The following DNAH11 variants were observed in gnomAD, a reference collection of about 807,000 sequenced individuals.
DNAH11 encodes the protein dynein axonemal heavy chain 11.
In DNAH11, 442 loss-of-function variants were observed where a neutral mutation model predicts 526.0. That is an observed-to-expected ratio of 0.84 (90% confidence interval 0.78 to 0.91). The LOEUF (loss-of-function observed/expected upper bound fraction) is 0.91. Ranked by LOEUF, DNAH11 falls within the 40% of genes least tolerant of loss-of-function variation. The pLI, the probability that DNAH11 is intolerant of heterozygous loss-of-function variation, is 0.00. For synonymous variants in DNAH11, 2,461 were observed against 1,935.9 expected (o/e 1.27, Z -7.12); for missense variants, 6,989 against 5,448.7 (o/e 1.28, Z -8.90).
chr7:21,707,735 A>G lies in DNAH11; in HGVS notation c.6583A>G (p.Lys2195Glu), dbSNP rs371974305. The change falls in exon 40 of 82, where the codon AAA becomes GAA. Residue 2195 changes from lysine to glutamate, a missense_variant. Lys to Glu is a moderately conservative substitution (Grantham distance 56). Coordinates refer to ENST00000409508, the MANE Select transcript of DNAH11 (RefSeq NM_001277115.2). Reference protein sequence around the residue: ...RTLNRTYVNMKQKPVWNDLNP... With the variant: ...RTLNRTYVNMEQKPVWNDLNP... Reference sequence around the variant, plus strand: ...ACTGAACCGAACATATGTTAACATGAAACAGAAGCCGGTTTGGAATGACTT... The same window carrying G: ...ACTGAACCGAACATATGTTAACATGGAACAGAAGCCGGTTTGGAATGACTT... 111 of 1,613,396 alleles carry G rather than the reference A, an allele frequency of 6.9e-5. No individual in the cohort carries two copies. Among genetic ancestry groups the G allele is most frequent in the Non-Finnish European group, 8.8e-5 (104 of 1,179,650 alleles).
At chr7:21,871,206 T>C in intron 73 of DNAH11, among the ~76,000 whole-genome samples, 1 of 152,216 alleles carries the variant, frequency 6.6e-6, no homozygotes, top group East Asian at 1.9e-4. Flanking sequence ...CCGGCAACTA[T>C]CTTTATCTCA....
chr7:21,828,704 GGT>G (rs1562570311), intron 65 of DNAH11, among the ~76,000 whole-genome samples: 2 of 150,578 alleles, frequency 1.3e-5, no homozygotes, highest in African/African-American at 4.9e-5. Context: ...AGCGTGTGTA[GGT>G]GTGTATCAAA....
At chr7:21,783,998 T>G (rs1788068213) in intron 57 of DNAH11, among the ~76,000 whole-genome samples, 1 of 152,242 alleles carries the variant, frequency 6.6e-6, no homozygotes, top group East Asian at 1.9e-4. Context: ...ACATGGCTTC[T>G]AAGCAAAAGT....
chr7:21,805,634 T>A (rs1296810918), intron 62 of DNAH11, among the ~76,000 whole-genome samples: 1 of 152,178 alleles, frequency 6.6e-6, no homozygotes, highest in East Asian at 1.9e-4. Context: ...TTAGACTGTT[T>A]TCCGGGACTA....
intron 57 of DNAH11, among the ~76,000 whole-genome samples, chr7:21,783,094 A>G (rs959261493): frequency 2.0e-5 from 3 of 152,156 alleles, no homozygotes; most frequent in Non-Finnish European, 4.4e-5. Context: ...TAAACCTGAG[A>G]TGATAACTCC....
At chr7:21,887,634 G>A (rs1244732974) in intron 76 of DNAH11, among the ~76,000 whole-genome samples, 1 of 152,098 alleles carries the variant, frequency 6.6e-6, no homozygotes, top group Non-Finnish European at 1.5e-5. Context: ...TACAATGCTA[G>A]AACAATATGC....
At chr7:21,559,915 T>A in intron 4 of DNAH11, 123 bp downstream of exon 4, 1 of 819,750 alleles carries the variant, frequency 1.2e-6, no homozygotes, top group Non-Finnish European at 1.9e-6. Context: ...CCTCTTTTCT[T>A]AATCCAGAGT....
intron 57 of DNAH11, among the ~76,000 whole-genome samples, chr7:21,784,100 A>G (rs1296597842): frequency 1.3e-5 from 2 of 152,224 alleles, no homozygotes; most frequent in Non-Finnish European, 2.9e-5. Context: ...TCTCTGAAAA[A>G]GAAAACTGAA....
At chr7:21,653,989 C>A (rs9639385) in intron 28 of DNAH11, among the ~76,000 whole-genome samples, 98,023 of 152,042 alleles carry the variant, frequency 0.64, 31,914 homozygotes, top group South Asian at 0.75. Flanking sequence ...ACTGCACTTC[C>A]AGAAAAGTTT....
intron 75 of DNAH11, among the ~76,000 whole-genome samples, chr7:21,881,726 T>C (rs1411533213): frequency 2.0e-5 from 3 of 152,210 alleles, no homozygotes; most frequent in Non-Finnish European, 4.4e-5. Flanking sequence ...AAACTATTGT[T>C]TTATGTTCCT....
intron 57 of DNAH11, among the ~76,000 whole-genome samples, chr7:21,782,081 A>G (rs377181242): frequency 1.3e-5 from 2 of 152,196 alleles, no homozygotes; most frequent in East Asian, 3.9e-4. Context: ...TCTTCAAAAT[A>G]TGAATTTTGG....
At chr7:21,732,232 C>T (rs1018787573) in intron 45 of DNAH11, among the ~76,000 whole-genome samples, 3 of 152,214 alleles carry the variant, frequency 2.0e-5, no homozygotes, top group Non-Finnish European at 2.9e-5. Context: ...TGAGGCCTCA[C>T]TCCTCGTAGC....
intron 70 of DNAH11, 101 bp from the exon 71 acceptor site, chr7:21,866,369 C>T (rs1783277735): frequency 8.6e-7 from 1 of 1,164,652 alleles, no homozygotes; most frequent in Admixed American, 2.5e-5. Context: ...TACTATCCAG[C>T]ACAGTTTTTT....
chr7:21,894,598 T>C (rs1434858733), intron 77 of DNAH11, 25 bp from the exon 78 acceptor site: 1 of 1,609,328 alleles, frequency 6.2e-7, no homozygotes, highest in Admixed American at 1.7e-5. Flanking sequence ...AGAAAGGAGC[T>C]AAATCTTTGT....
chr7:21,809,758 G>A (rs150022113), intron 63 of DNAH11, among the ~76,000 whole-genome samples: 2,701 of 151,672 alleles, frequency 0.018, 69 homozygotes, highest in African/African-American at 0.057. Flanking sequence ...TAGAGATAGG[G>A]TTTTACCATG....
intron 54 of DNAH11, among the ~76,000 whole-genome samples, chr7:21,763,783 G>A (rs1421455957): frequency 7.7e-6 from 1 of 129,998 alleles, no homozygotes; most frequent in Non-Finnish European, 1.7e-5. Context: ...ACTAGATAAT[G>A]TGCTATATAT....
intron 8 of DNAH11, among the ~76,000 whole-genome samples, chr7:21,574,511 A>C (rs887196789): frequency 6.6e-6 from 1 of 151,658 alleles, no homozygotes; most frequent in Non-Finnish European, 1.5e-5. Flanking sequence ...AGAACTCTCA[A>C]CCACAAGCCC....
rs531133868 is a variant in DNAH11 at position 21,847,312 on chromosome 7, A to T, written c.10896+4564A>T. Among the ~76,000 whole-genome samples, 347 of 152,282 alleles carry T rather than the reference A, an allele frequency of 2.3e-3. 1 individual carries two copies. Among genetic ancestry groups the T allele is most frequent in the Non-Finnish European group, 4.1e-3 (280 of 68,012 alleles). On this transcript the variant is annotated intron_variant, in intron 66 of 81. Transcript: ENST00000409508. ...GTTTTCTTCTCTACTTTTCTAATAT[A>T]TGCATTCAATGCTATAAATTTCCCT...
chr7:21,554,621 T>C (rs910537724), intron 2 of DNAH11, among the ~76,000 whole-genome samples: 4 of 152,190 alleles, frequency 2.6e-5, no homozygotes, highest in Non-Finnish European at 5.9e-5. Flanking sequence ...GTGAAAAGGA[T>C]ACTTGTGATA....
Sources: allele counts gnomAD v4.1 joint callset (sites outside exome capture counted in the v4.1 genomes callset), GRCh38; gene constraint gnomAD v4.1.1; transcripts MANE v1.5; gene names NCBI Gene and HGNC (gene_info 2026-07-23, HGNC 2026-07-21).